The following AGAP1 variants were observed in gnomAD, a reference collection of about 807,000 sequenced individuals.
The protein encoded by AGAP1 is ArfGAP with GTPase domain, ankyrin repeat and PH domain 1, also known as arf-GAP with GTPase, ANK repeat and PH domain-containing protein 1.
In AGAP1, 29 loss-of-function variants were observed where a neutral mutation model predicts 105.3. That is an observed-to-expected ratio of 0.28 (90% CI 0.21 to 0.38). The LOEUF (loss-of-function observed/expected upper bound fraction) is 0.38. AGAP1 is among the 10% of genes least tolerant of loss of function. The probability of loss-of-function intolerance (pLI) is 1.00; values close to 1 mark genes in which losing one functional copy is unlikely to be tolerated. For synonymous variants in AGAP1, 509 were observed against 485.9 expected (o/e 1.05, Z -0.63); for missense variants, 998 against 1,165.1 (o/e 0.86, Z 2.09).
intron 12 of AGAP1, among the ~76,000 whole-genome samples, chr2:235,933,019 T>G (rs1185162871): frequency 6.6e-6 from 1 of 152,194 alleles, no homozygotes; most frequent in Non-Finnish European, 1.5e-5. Flanking sequence ...CTCGTAAATC[T>G]TGAACCCTGA....
Position 235,571,932 on chromosome 2 carries a change from T to TTGTGTGTGTGTGTGTGTGTG in AGAP1, c.163+77091_163+77110dup, listed in dbSNP as rs141898525. On this transcript the variant is annotated intron_variant, in intron 1 of 17. Coordinates refer to ENST00000304032, the MANE Select transcript of AGAP1 (RefSeq NM_001037131.3). Reference sequence around the variant, plus strand: ...TCTTTAAAGTTGTCTTGCCCACACTTTGTGTGTGTGTGTGTGTGTGTGTGT... The same window carrying TTGTGTGTGTGTGTGTGTGTG: ...TCTTTAAAGTTGTCTTGCCCACACTTTGTGTGTGTGTGTGTGTGTGTGTGTGTGTGTGTGTGTGTGTGTGT... Among the ~76,000 whole-genome samples the TTGTGTGTGTGTGTGTGTGTG allele has an allele frequency of 7.3e-3, 759 of 103,644 alleles. 13 individuals carry two copies. The highest frequency in any genetic ancestry group is 0.018 in the African/African-American group (440 of 24,480). 68.0% of individuals were successfully genotyped at this position (103,644 alleles called of 152,430 possible).
intron 13 of AGAP1, among the ~76,000 whole-genome samples, chr2:235,974,821 CA>C: frequency 6.6e-6 from 1 of 152,338 alleles, no homozygotes; most frequent in South Asian, 2.1e-4. Context: ...AAATATGAAG[CA>C]ACCACCACAG....
In AGAP1 at chr2:236,061,378, G is replaced by A. The variant is rs144282724; in HGVS notation, c.2114+12097G>A. On this transcript the variant is annotated intron_variant, in intron 16 of 17. Transcript: ENST00000304032. The surrounding 1 kb of genome is among the most constrained non-coding windows in gnomAD (Gnocchi z 4.1). Reference sequence around the variant, plus strand: ...ATACCTAAGATAAATGAAAACACTTGTCCACACAAAAATGTACACCTGAGT... The same window carrying A: ...ATACCTAAGATAAATGAAAACACTTATCCACACAAAAATGTACACCTGAGT... Among the ~76,000 whole-genome samples, 1 of 152,126 alleles carries A rather than the reference G, an allele frequency of 6.6e-6. No homozygotes were observed. The highest frequency in any genetic ancestry group is 2.4e-5 in the African/African-American group (1 of 41,434).
intron 1 of AGAP1, among the ~76,000 whole-genome samples, chr2:235,652,387 T>G (rs1947625345): frequency 6.6e-6 from 1 of 152,082 alleles, no homozygotes; most frequent in Non-Finnish European, 1.5e-5. Flanking sequence ...CTCTGCATGC[T>G]TCCTACTCCT....
intron 6 of AGAP1, among the ~76,000 whole-genome samples, chr2:235,784,633 TCTG>T (rs1159091261): frequency 2.7e-5 from 4 of 150,654 alleles, no homozygotes; most frequent in Non-Finnish European, 3.0e-5. Context: ...AAAGTTTCTC[TCTG>T]CTATATACTT....
At chr2:235,779,950 A>G (rs1956155439) in intron 6 of AGAP1, among the ~76,000 whole-genome samples, 1 of 152,342 alleles carries the variant, frequency 6.6e-6, no homozygotes, top group African/African-American at 2.4e-5. Context: ...TGTACTTAAC[A>G]GCAAATGGCA....
rs1374012535 is a variant in AGAP1, at chr2:235,992,896, G to A, written c.1645+24273G>A. Among the ~76,000 whole-genome samples, 1 of 152,140 alleles carries A rather than the reference G, an allele frequency of 6.6e-6. No individual in the cohort carries two copies. The highest frequency in any genetic ancestry group is 1.5e-5 in the Non-Finnish European group (1 of 68,032). ...TGGCCTCTTTCCGTCGTGAACCATGGACGTCTCTCCTTGACCTCCTCCCTA... is the reference window on the plus strand; with the variant it reads ...TGGCCTCTTTCCGTCGTGAACCATGAACGTCTCTCCTTGACCTCCTCCCTA... On this transcript the variant is annotated intron_variant, in intron 13 of 17. Coordinates refer to ENST00000304032, the MANE Select transcript of AGAP1 (RefSeq NM_001037131.3). This position sits in a 1 kb window ranked among gnomAD's most constrained non-coding sequence, Gnocchi z 4.8.
chr2:235,853,629 A>G (rs1416382942), intron 9 of AGAP1, among the ~76,000 whole-genome samples: 9 of 152,246 alleles, frequency 5.9e-5, no homozygotes, highest in Admixed American at 5.9e-4. Flanking sequence ...TTATCAGACA[A>G]TATGACTGAA....
chr2:235,746,892 T>C (rs1207129495), intron 5 of AGAP1, among the ~76,000 whole-genome samples: 2 of 152,130 alleles, frequency 1.3e-5, no homozygotes, highest in Admixed American at 1.3e-4. Context: ...GGTTCTGTTC[T>C]CTGAGTTCTG....
At chr2:235,706,692 A>G (rs1460616125) in intron 1 of AGAP1, among the ~76,000 whole-genome samples, 1 of 152,164 alleles carries the variant, frequency 6.6e-6, no homozygotes, top group African/African-American at 2.4e-5. Flanking sequence ...TTACTATTCC[A>G]TGATGTGGCT....
intron 12 of AGAP1, among the ~76,000 whole-genome samples, chr2:235,947,645 G>T (rs1463221250): frequency 6.6e-6 from 1 of 152,104 alleles, no homozygotes; most frequent in Non-Finnish European, 1.5e-5. Flanking sequence ...CCCCCGACCA[G>T]AATTTAAGCT....
Position 235,574,642 on chromosome 2 carries a change from T to A in AGAP1, c.163+79793T>A, listed in dbSNP as rs1323961784. Among the ~76,000 whole-genome samples the A allele has an allele frequency of 6.6e-6, 1 of 152,182 alleles. No homozygotes were observed. The highest frequency in any genetic ancestry group is 1.5e-5 in the Non-Finnish European group (1 of 68,034). On this transcript the variant is annotated intron_variant, in intron 1 of 17. Coordinates refer to ENST00000304032, the MANE Select transcript of AGAP1 (RefSeq NM_001037131.3). The surrounding 1 kb of genome is among the most constrained non-coding windows in gnomAD (Gnocchi z 5.0). ...GGTCCTTTTTGGTTCTGTGCGACAGTTAATGAATAGTCATGTGCATTTGAC... is the reference window on the plus strand; with the variant it reads ...GGTCCTTTTTGGTTCTGTGCGACAGATAATGAATAGTCATGTGCATTTGAC...
In AGAP1 at chr2:235,590,704, T is replaced by A. The variant is rs1377314837; in HGVS notation, c.163+95855T>A. Among the ~76,000 whole-genome samples the A allele has an allele frequency of 2.7e-5, 3 of 110,798 alleles. No homozygotes were observed. In the East Asian group the frequency reaches 6.4e-4, roughly 24 times the overall value. 72.7% of individuals were successfully genotyped at this position (110,798 alleles called of 152,430 possible). A position where few individuals can be genotyped will look rare whatever the true frequency, so the allele number is the denominator to read the frequency against. On this transcript the variant is annotated intron_variant, in intron 1 of 17. Coordinates refer to ENST00000304032, the MANE Select transcript of AGAP1 (RefSeq NM_001037131.3). ...GTGTGTGCGTGTGCGTGTGTGTGTG[T>A]GTGTGTGTGCATTTTTTTTTTTTTT...
At chr2:235,594,036 A>G (rs957132329) in intron 1 of AGAP1, among the ~76,000 whole-genome samples, 12 of 152,202 alleles carry the variant, frequency 7.9e-5, no homozygotes, top group Non-Finnish European at 1.5e-4. Context: ...GAGAGTATAC[A>G]TAAGTTTAAT....
At chr2:235,858,589 G>A (rs1292582235) in intron 9 of AGAP1, among the ~76,000 whole-genome samples, 3 of 151,764 alleles carry the variant, frequency 2.0e-5, no homozygotes, top group Non-Finnish European at 4.4e-5. Context: ...ACTGAGAGAT[G>A]ATAAAAAAAA....
intron 1 of AGAP1, among the ~76,000 whole-genome samples, chr2:235,573,400 C>T (rs1944636362): frequency 6.6e-6 from 1 of 152,092 alleles, no homozygotes; most frequent in Non-Finnish European, 1.5e-5. Context: ...TTAAAATTGT[C>T]TTACCCACAC....
chr2:236,065,582 C>T (rs956532321), intron 16 of AGAP1, among the ~76,000 whole-genome samples: 2 of 152,254 alleles, frequency 1.3e-5, no homozygotes, highest in African/African-American at 4.8e-5. Flanking sequence ...GGGAGGCCCA[C>T]AGGGGCTGCA....
intron 9 of AGAP1, among the ~76,000 whole-genome samples, chr2:235,851,216 T>C (rs1441576149): frequency 6.6e-6 from 1 of 152,176 alleles, no homozygotes; most frequent in Non-Finnish European, 1.5e-5. Context: ...GAGAGGGCCC[T>C]GTCCAGGCTG....
chr2:235,783,175 A>T (rs1046651727), intron 6 of AGAP1: 3 of 342,186 alleles, frequency 8.8e-6, no homozygotes, highest in African/African-American at 6.6e-5. Context: ...ACCAAAGACA[A>T]AGTGTTTCTC....
Sources: gnomAD v4.1 joint callset for allele counts (sites outside exome capture counted in the v4.1 genomes callset) on GRCh38, gnomAD v4.1.1 for gene constraint, Gnocchi (gnomAD v3.1) non-coding constraint, MANE v1.5 for transcripts, NCBI Gene and HGNC (gene_info 2026-07-23, HGNC 2026-07-21) for gene names.